Variants in UGT1A8 observed in about 807,000 individuals in gnomAD.
The protein encoded by UGT1A8 is UDP glucuronosyltransferase family 1 member A8, also known as UDP-glucuronosyltransferase 1A8.
Under a neutral mutation model 45.3 loss-of-function variants are expected in UGT1A8, and 39 were observed. That is an observed-to-expected ratio of 0.86 (90% CI 0.67 to 1.12). UGT1A8 has a LOEUF of 1.12. UGT1A8 is among the 50% of genes most tolerant of loss of function. UGT1A8 has a pLI of 0.00. For missense variants in UGT1A8, 719 were observed against 664.9 expected, an observed-to-expected ratio of 1.08 and a Z score of -0.90; for synonymous variants, 275 against 249.2, an observed-to-expected ratio of 1.10 and a Z score of -0.97.
At chr2:233,621,457 C>A (rs988686370) in intron 1 of UGT1A8, among the ~76,000 whole-genome samples, 1 of 152,158 alleles carries the variant, frequency 6.6e-6, no homozygotes, top group Non-Finnish European at 1.5e-5. Flanking sequence ...AAGAAAAGAT[C>A]TGTGCTTCCC....
At chr2:233,690,961 G>C in intron 1 of UGT1A8, 1 of 1,007,322 alleles carries the variant, frequency 9.9e-7, no homozygotes, top group Non-Finnish European at 1.2e-6. Context: ...AGGGACTTCT[G>C]GGACTAAGAA....
intron 1 of UGT1A8, among the ~76,000 whole-genome samples, chr2:233,724,260 C>G (rs1481062069): frequency 7.7e-6 from 1 of 129,912 alleles, no homozygotes; most frequent in African/African-American, 3.0e-5. Flanking sequence ...CCTCACCTCC[C>G]GGACGGGGCG....
At chr2:233,653,497 T>C (rs1310314263) in intron 1 of UGT1A8, among the ~76,000 whole-genome samples, 3 of 152,200 alleles carry the variant, frequency 2.0e-5, no homozygotes, top group Admixed American at 6.5e-5. Flanking sequence ...TGAAATACCA[T>C]GAAAAATGAC....
intron 1 of UGT1A8, chr2:233,637,214 C>T (rs768576476): frequency 6.2e-7 from 1 of 1,613,934 alleles, no homozygotes; most frequent in Admixed American, 1.7e-5. Context: ...CTAGAAATAG[C>T]CTCTGAAATT....
At chr2:233,729,676 G>A in intron 1 of UGT1A8, 1 of 1,613,778 alleles carries the variant, frequency 6.2e-7, no homozygotes, top group African/African-American at 1.3e-5. Context: ...AGACTTTAAG[G>A]GCACACAGTG....
intron 1 of UGT1A8, among the ~76,000 whole-genome samples, chr2:233,765,401 A>G (rs1024843153): frequency 3.9e-5 from 6 of 152,246 alleles, no homozygotes; most frequent in African/African-American, 1.4e-4. Flanking sequence ...TGTGGTACAT[A>G]TACACCATGG....
At chr2:233,744,624 T>A (rs1301133091) in intron 1 of UGT1A8, among the ~76,000 whole-genome samples, 12 of 151,914 alleles carry the variant, frequency 7.9e-5, no homozygotes, top group Non-Finnish European at 1.5e-4. Context: ...TATAGAGAGG[T>A]GGATTCTCAT....
chr2:233,645,023 G>A (rs1016409782), intron 1 of UGT1A8, among the ~76,000 whole-genome samples: 3 of 152,174 alleles, frequency 2.0e-5, no homozygotes, highest in Non-Finnish European at 4.4e-5. Context: ...GGGTTTGGGA[G>A]CAGGTAGACC....
chr2:233,647,658 T>A (rs2073638568), intron 1 of UGT1A8, among the ~76,000 whole-genome samples: 1 of 152,212 alleles, frequency 6.6e-6, no homozygotes, highest in South Asian at 2.1e-4. Flanking sequence ...TCCATCTAAG[T>A]TGTAGATTTT....
chr2:233,694,608 C>A (rs546917039), intron 1 of UGT1A8, among the ~76,000 whole-genome samples: 2 of 152,332 alleles, frequency 1.3e-5, no homozygotes, highest in East Asian at 3.9e-4. Flanking sequence ...CTTCAGGCAA[C>A]TCCCTCTATC....
At chr2:233,688,087 T>C (rs1438237954) in intron 1 of UGT1A8, among the ~76,000 whole-genome samples, 1 of 152,198 alleles carries the variant, frequency 6.6e-6, no homozygotes, top group Non-Finnish European at 1.5e-5. Context: ...TGGCAGTCAC[T>C]CCTTATTTCT....
At chr2:233,675,537 G>C (rs1000608785) in intron 1 of UGT1A8, among the ~76,000 whole-genome samples, 2 of 152,142 alleles carry the variant, frequency 1.3e-5, no homozygotes, top group Non-Finnish European at 2.9e-5. Context: ...CCCCCTTGCT[G>C]TAAGATTCTG....
At position 233,627,347 on chromosome 2, in the gene UGT1A8, C is replaced by T. The variant is rs1375699238; in HGVS notation, c.855+8785C>T. On this transcript the variant is annotated intron_variant, in intron 1 of 4. Coordinates refer to ENST00000373450, the MANE Select transcript of UGT1A8 (RefSeq NM_019076.5). The stretch of plus-strand genomic sequence containing the variant: ...TCTTGACAATTTTAAAGCTGAACCC[C>T]TTTCTAAAACTAGCAAACCATCCTT... Among the ~76,000 whole-genome samples, 12 of 152,060 alleles carry T rather than the reference C, an allele frequency of 7.9e-5. No individual in the cohort carries two copies. In the East Asian group the frequency reaches 2.1e-3, roughly 27 times the overall value.
chr2:233,625,636 G>T (rs999560179), intron 1 of UGT1A8, among the ~76,000 whole-genome samples: 4 of 151,752 alleles, frequency 2.6e-5, no homozygotes, highest in African/African-American at 7.3e-5. Context: ...CATGTCCTTT[G>T]TAACAACATG....
At chr2:233,743,099 A>T (rs1692202324) in intron 1 of UGT1A8, 1 of 352,144 alleles carries the variant, frequency 2.8e-6, no homozygotes, top group Non-Finnish European at 5.6e-6. Flanking sequence ...ATTCTTGGGT[A>T]CAGCTGTTCT....
At chr2:233,679,399 T>C (rs7595138) in intron 1 of UGT1A8, among the ~76,000 whole-genome samples, 93,381 of 151,990 alleles carry the variant, frequency 0.61, 28,951 homozygotes, top group South Asian at 0.65. Context: ...TTTCAAGGCT[T>C]GAGGTTTGGC....
chr2:233,708,241 G>A (rs1272155172), intron 1 of UGT1A8, among the ~76,000 whole-genome samples: 1 of 152,164 alleles, frequency 6.6e-6, no homozygotes, highest in Non-Finnish European at 1.5e-5. Flanking sequence ...CAATGTATAA[G>A]TGTACACTTT....
intron 1 of UGT1A8, chr2:233,671,957 G>C (rs2074203906): frequency 6.2e-7 from 1 of 1,613,338 alleles, no homozygotes; most frequent in Non-Finnish European, 8.5e-7. Flanking sequence ...GGGTGGACCA[G>C]CCCCCTTCCT....
At chr2:233,671,954 C>T (rs1245308626) in intron 1 of UGT1A8, 1 of 1,612,680 alleles carries the variant, frequency 6.2e-7, no homozygotes, top group Non-Finnish European at 8.5e-7. Flanking sequence ...ACAGGGTGGA[C>T]CAGCCCCCTT....
Sources: gnomAD v4.1 joint callset for allele counts (sites outside exome capture counted in the v4.1 genomes callset) on GRCh38, gnomAD v4.1.1 for gene constraint, MANE v1.5 for transcripts, NCBI Gene and HGNC (gene_info 2026-07-23, HGNC 2026-07-21) for gene names.